CCDC3: variants seen among roughly 807,000 people sequenced by gnomAD.
CCDC3 encodes the protein coiled-coil domain containing 3.
A neutral mutation model predicts 21.4 loss-of-function variants in CCDC3; 24 were observed. That is an observed-to-expected ratio of 1.12 (90% CI 0.81 to 1.58). The LOEUF (loss-of-function observed/expected upper bound fraction) is 1.58, where lower values mean the gene tolerates loss of function less well. Ranked by LOEUF, CCDC3 falls within the 40% of genes most tolerant of loss-of-function variation. The probability of loss-of-function intolerance (pLI) is 0.00; values close to 1 mark genes in which losing one functional copy is unlikely to be tolerated. For synonymous variants in CCDC3, 186 were observed against 166.0 expected (o/e 1.12, Z -0.93); for missense variants, 425 against 360.9 (o/e 1.18, Z -1.44).
At chr10:12,927,738 C>A (rs985629710) in intron 2 of CCDC3, among the ~76,000 whole-genome samples, 3 of 152,210 alleles carry the variant, frequency 2.0e-5, no homozygotes, top group Non-Finnish European at 2.9e-5. Context: ...CATTTCCCGA[C>A]AAATACACTG....
intron 4 of CCDC3, among the ~76,000 whole-genome samples, chr10:13,054,631 G>A (rs1836658377): frequency 6.6e-6 from 1 of 152,026 alleles, no homozygotes; most frequent in Non-Finnish European, 1.5e-5. Flanking sequence ...CCTGGAACCC[G>A]AGTCAGGTAA....
At chr10:12,957,684 A>T (rs1835113185) in intron 2 of CCDC3, among the ~76,000 whole-genome samples, 1 of 151,514 alleles carries the variant, frequency 6.6e-6, no homozygotes, top group Admixed American at 6.6e-5. Flanking sequence ...CCTCCCTCCT[A>T]CCTCCCTCGT....
At chr10:12,906,292 CAA>C (rs1834170762) in intron 2 of CCDC3, among the ~76,000 whole-genome samples, 1 of 152,190 alleles carries the variant, frequency 6.6e-6, no homozygotes, top group Non-Finnish European at 1.5e-5. Context: ...CACCCAAAGT[CAA>C]AAGAGCTGCT....
intron 5 of CCDC3, among the ~76,000 whole-genome samples, chr10:13,014,722 C>CT (rs955879408): frequency 6.6e-6 from 1 of 151,888 alleles, no homozygotes; most frequent in African/African-American, 2.4e-5. Context: ...GGGCTTGCAA[C>CT]TTTTTTTAAG....
At chr10:12,941,246 G>T (rs1239896162) in intron 2 of CCDC3, among the ~76,000 whole-genome samples, 1 of 152,156 alleles carries the variant, frequency 6.6e-6, no homozygotes, top group Non-Finnish European at 1.5e-5. Flanking sequence ...GGCCACATCA[G>T]GAAGTTACTG....
chr10:12,972,632 C>T (rs778678911), intron 2 of CCDC3, among the ~76,000 whole-genome samples: 12 of 152,130 alleles, frequency 7.9e-5, no homozygotes, highest in Non-Finnish European at 1.5e-4. Context: ...GCCTGACCAA[C>T]ATGGTGAAAC....
At chr10:12,910,284 C>T (rs558860349) in intron 2 of CCDC3, among the ~76,000 whole-genome samples, 14 of 152,242 alleles carry the variant, frequency 9.2e-5, no homozygotes, top group African/African-American at 2.4e-4. Context: ...TTGCTGGCTA[C>T]GTAGCTGTTT....
intron 2 of CCDC3, among the ~76,000 whole-genome samples, chr10:12,988,247 C>G (rs1284215106): frequency 6.6e-6 from 1 of 152,156 alleles, no homozygotes; most frequent in Admixed American, 6.5e-5. Context: ...TCTTGGTCTG[C>G]CTGGCATGCT....
intron 2 of CCDC3, among the ~76,000 whole-genome samples, chr10:12,916,426 C>CAAAAAA (rs71386129): frequency 4.7e-5 from 5 of 105,270 alleles, no homozygotes; most frequent in Non-Finnish European, 7.5e-5. Flanking sequence ...GACTCCATCT[C>CAAAAAA]AAAAAAAAAA....
intron 2 of CCDC3, among the ~76,000 whole-genome samples, chr10:12,961,660 T>C (rs371808987): frequency 7.2e-5 from 11 of 152,314 alleles, no homozygotes; most frequent in East Asian, 1.9e-4. Context: ...GTCTGTTAAA[T>C]TGACTTTCAA....
At chr10:13,034,767 G>A (rs905442298) in intron 5 of CCDC3, among the ~76,000 whole-genome samples, 1 of 152,142 alleles carries the variant, frequency 6.6e-6, no homozygotes, top group Non-Finnish European at 1.5e-5. Context: ...GCTCACGCCT[G>A]TAATCCCAGC....
At chr10:13,026,390 A>G (rs137974887) in intron 5 of CCDC3, among the ~76,000 whole-genome samples, 2 of 152,290 alleles carry the variant, frequency 1.3e-5, no homozygotes, top group African/African-American at 4.8e-5. Context: ...AATTAATTCT[A>G]AAAGGCCTAT....
At position 13,001,652 on chromosome 10, in the gene CCDC3, C is replaced by T. The variant is rs1007010503; in HGVS notation, c.-82G>A. The T allele has an allele frequency of 3.2e-5, 30 of 946,328 alleles. No homozygotes were observed. Among genetic ancestry groups the T allele is most frequent in the African/African-American group, 7.0e-5 (4 of 56,762 alleles). 58.6% of individuals were successfully genotyped at this position (946,328 alleles called of 1,614,324 possible). On this transcript the variant is annotated 5_prime_UTR_variant, in exon 1 of 3. Transcript: ENST00000378825. ...CCCGGGAAGGGCAGCCCTGGGCGCT[C>T]GGCTGCTCGGGCCGCTCCCGGGAGC...
intron 2 of CCDC3, among the ~76,000 whole-genome samples, chr10:12,942,711 T>C (rs2131239642): frequency 6.6e-6 from 1 of 152,306 alleles, no homozygotes; most frequent in South Asian, 2.1e-4. Context: ...GTCCTACCAA[T>C]CTTTTGTCCC....
intron 5 of CCDC3, among the ~76,000 whole-genome samples, chr10:13,027,523 G>T (rs1836238434): frequency 6.6e-6 from 1 of 151,926 alleles, no homozygotes; most frequent in South Asian, 2.1e-4. Flanking sequence ...ATCATTCACT[G>T]AGCAACCGCC....
chr10:13,014,265 A>G (rs888615310), intron 5 of CCDC3, among the ~76,000 whole-genome samples: 7 of 151,550 alleles, frequency 4.6e-5, no homozygotes, highest in Non-Finnish European at 1.0e-4. Flanking sequence ...CATCCTGGCT[A>G]CTATGAAACC....
chr10:13,026,236 A>G lies in CCDC3; in HGVS notation c.-2+23438T>C, dbSNP rs1265976205. On this transcript the variant is annotated intron_variant, in intron 5 of 6. Coordinates refer to the CCDC3 transcript ENST00000378839. ...TAAAAAACTTCACTATTTAAGAAGA[A>G]TTAAAGGGTCACTCTCCCACCCACT... 2.0e-5 allele frequency among the ~76,000 whole-genome samples: 3 copies of G among 152,182 alleles called. No individual in the cohort carries two copies. The East Asian group carries it at 5.8e-4, about 29-fold the overall frequency.
chr10:12,997,178 C>T (rs910400632), intron 2 of CCDC3, among the ~76,000 whole-genome samples: 2 of 151,820 alleles, frequency 1.3e-5, no homozygotes, highest in Non-Finnish European at 2.9e-5. Context: ...ACACTTCCCT[C>T]AAACCCTTCT....
intron 2 of CCDC3, among the ~76,000 whole-genome samples, chr10:12,974,023 A>G (rs1472990805): frequency 1.3e-5 from 2 of 152,210 alleles, no homozygotes; most frequent in Admixed American, 1.3e-4. Flanking sequence ...AGAGAAGTAC[A>G]AGCACTCCAA....
Sources: allele counts gnomAD v4.1 joint callset (sites outside exome capture counted in the v4.1 genomes callset), GRCh38; gene constraint gnomAD v4.1.1; transcripts MANE v1.5; gene names NCBI Gene and HGNC (gene_info 2026-07-23, HGNC 2026-07-21).